Variants in IDS observed in about 807,000 individuals in gnomAD.
IDS encodes the protein alpha-L-iduronate sulfate sulfatase.
IDS carries 1 observed loss-of-function variant against 33.5 expected under a neutral mutation model. That is an observed-to-expected ratio of 0.03 (90% CI 0.01 to 0.14). The LOEUF is 0.14. Ranked by LOEUF, IDS falls within the 10% of genes least tolerant of loss-of-function variation. The pLI is 1.00. For missense variants in IDS, 328 were observed against 448.0 expected, an observed-to-expected ratio of 0.73 and a Z score of 2.42; for synonymous variants, 191 against 184.4, an observed-to-expected ratio of 1.04 and a Z score of -0.29.
At chrX:149,498,016 G>A in intron 5 of IDS, 91 bp downstream of exon 5, 1 of 804,526 alleles carries the variant, frequency 1.2e-6, no homozygotes, top group Admixed American at 2.3e-5. Flanking sequence ...GCGATGGCAG[G>A]ATGTAGCCAC....
At position 149,501,053 on chromosome X, in the gene IDS, A is replaced by T. The variant is rs781786692; in HGVS notation, c.419-16T>A. On this transcript the variant is annotated splice_polypyrimidine_tract_variant and intron_variant, in intron 3 of 8. Transcript: ENST00000340855. Reference sequence around the variant, plus strand: ...GAAGATATCCCTTGGAAAAAAAAAAAGGTTGTTAAAACATGATGAGTCTTT... The same window carrying T: ...GAAGATATCCCTTGGAAAAAAAAAATGGTTGTTAAAACATGATGAGTCTTT... 3.8e-6 allele frequency: 4 copies of T among 1,039,403 alleles called. No individual in the cohort carries two copies. Among genetic ancestry groups the T allele is most frequent in the Non-Finnish European group, 5.4e-6 (4 of 738,557 alleles). 85.7% of individuals were successfully genotyped at this position (1,039,403 alleles called of 1,213,427 possible).
chrX:149,484,676 G>A (rs981019092), intron 8 of IDS, among the ~76,000 whole-genome samples: 18 of 112,070 alleles, frequency 1.6e-4, no homozygotes, highest in Non-Finnish European at 3.4e-4. Context: ...GTATGAAGTA[G>A]TATTTCATTG....
intron 6 of IDS, 126 bp downstream of exon 6, chrX:149,496,220 T>C (rs1557339264): frequency 4.5e-6 from 3 of 673,729 alleles, no homozygotes; most frequent in African/African-American, 4.3e-5. Context: ...CTTTGCCTGA[T>C]AACTCACACA....
At position 149,483,030 on chromosome X, in the gene IDS, G is replaced by A. The variant is rs782793881; in HGVS notation, c.1369C>T (p.Pro457Ser). The stretch of plus-strand genomic sequence containing the variant: ...TGGCTATAGGCAATCAGTTCACGGG[G>A]ATTACCAGGGAGGTACGGATCCTCT... ...LEEDPYLPGN[P>S]RELIAYSQYP... The change falls in exon 9 of 9, where the codon CCC (proline) becomes TCC (serine). Residue 457 changes from proline to serine, a missense_variant. Coordinates refer to ENST00000340855, the MANE Select transcript of IDS (RefSeq NM_000202.8). 2 of 1,208,812 alleles carry A rather than the reference G, an allele frequency of 1.7e-6. No individual in the cohort carries two copies. Among genetic ancestry groups the A allele is most frequent in the Non-Finnish European group, 2.2e-6 (2 of 893,093 alleles).
rs1448541931 is a variant in IDS at position 149,489,421 on chromosome X, A to G, written c.1006+893T>C. Among the ~76,000 whole-genome samples the G allele has an allele frequency of 5.3e-5, 6 of 112,308 alleles. No individual in the cohort carries two copies. The Admixed American group carries it at 5.6e-4, about 11-fold the overall frequency. On this transcript the variant is annotated intron_variant, in intron 7 of 8. Transcript: ENST00000340855. ...TGCACAACTGATGGCTGGCAGATGG[A>G]TCCCTAATCCATTGTCATCTGTTAG...
intron 6 of IDS, among the ~76,000 whole-genome samples, chrX:149,495,281 G>T (rs781896929): frequency 3.6e-5 from 4 of 111,846 alleles, no homozygotes; most frequent in Non-Finnish European, 5.6e-5. Flanking sequence ...AGTGAAACAG[G>T]AATCAAATAC....
In IDS at chrX:149,479,431, C is replaced by T. The variant is rs781872764; in HGVS notation, c.*3315G>A. 8.9e-6 allele frequency: 1 copy of T among 112,410 alleles called. No individual in the cohort carries two copies. Among genetic ancestry groups the T allele is most frequent in the African/African-American group, 3.2e-5 (1 of 30,927 alleles). 9.3% of individuals were successfully genotyped at this position (112,410 alleles called of 1,213,427 possible). A position where few individuals can be genotyped will look rare whatever the true frequency, so the allele number is the denominator to read the frequency against. ...ACTTTATGTTTCAGTTTACTACCCC[C>T]TAAGGCAGCAAGAGAGCAGGAAGAT... On this transcript the variant is annotated 3_prime_UTR_variant, in exon 9 of 9. Transcript: ENST00000340855.
At chrX:149,491,190 T>A (rs1557338691) in intron 6 of IDS, among the ~76,000 whole-genome samples, 1 of 111,963 alleles carries the variant, frequency 8.9e-6, no homozygotes, top group Non-Finnish European at 1.9e-5. Context: ...CAACTGCATA[T>A]CTTCATGAAC....
At chrX:149,487,203 T>C in intron 7 of IDS, 105 bp from the exon 8 acceptor site, 1 of 1,204,383 alleles carries the variant, frequency 8.3e-7, no homozygotes, top group Non-Finnish European at 1.1e-6. Context: ...CCAGAGGAAG[T>C]AGAAACTCAT....
At chrX:149,487,386 C>T (rs913502596) in intron 7 of IDS, 2 of 780,922 alleles carry the variant, frequency 2.6e-6, no homozygotes, top group East Asian at 3.2e-5. Flanking sequence ...ATATACCTAA[C>T]GTAGGACTCT....
rs1435078845 is a variant in IDS at position 149,478,959 on chromosome X, G to A, written c.*3787C>T. 7.1e-5 allele frequency: 8 copies of A among 112,781 alleles called. No homozygotes were observed. Among genetic ancestry groups the A allele is most frequent in the East Asian group, 2.8e-4 (1 of 3,621 alleles). 9.3% of individuals were successfully genotyped at this position (112,781 alleles called of 1,213,427 possible). On this transcript the variant is annotated 3_prime_UTR_variant, in exon 9 of 9. Transcript: ENST00000340855. ...GTGGAAATACAGATGCCCAACTATC[G>A]TACAAAGAGAACCATGATCAAGGTC...
intron 7 of IDS, chrX:149,487,390 G>A: frequency 1.3e-6 from 1 of 755,539 alleles, no homozygotes; most frequent in African/African-American, 2.1e-5. Flanking sequence ...ACCTAACGTA[G>A]GACTCTGTGG....
rs1557339297 is a variant in IDS, at chrX:149,496,418, G to A, written c.807C>T (p.Asp269=). 2 of 1,210,164 alleles carry A rather than the reference G, an allele frequency of 1.7e-6. No homozygotes were observed. Residue 269 remains aspartate (D), a synonymous_variant, in exon 6 of 9, where the codon GAC becomes GAT. Transcript: ENST00000340855. ...CTTGGACGTCTTCCCGTTGCCTGAT[G>A]TCCATCCAGGGGTTGTAGGCCACAG... ...LPPVAYNPWM[D]IRQREDVQAL... is the part of the protein sequence containing the mutation.
At chrX:149,504,339 TG>T in intron 1 of IDS, 46 bp from the exon 2 acceptor site, 1 of 1,162,268 alleles carries the variant, frequency 8.6e-7, no homozygotes, top group Non-Finnish European at 1.2e-6. Flanking sequence ...GCACTGACAC[TG>T]AACCCTCCCT....
intron 6 of IDS, among the ~76,000 whole-genome samples, chrX:149,493,677 C>T (rs1040205638): frequency 6.3e-5 from 7 of 110,664 alleles, no homozygotes; most frequent in African/African-American, 2.3e-4. Flanking sequence ...GAAGAGGCCT[C>T]GAGCCCAGAA....
At chrX:149,490,191 T>C in intron 7 of IDS, 123 bp downstream of exon 7, 3 of 778,180 alleles carry the variant, frequency 3.9e-6, no homozygotes, top group Non-Finnish European at 5.9e-6. Flanking sequence ...TCCCACTTTG[T>C]TTGTGAACCA....
intron 4 of IDS, 47 bp from the exon 5 acceptor site, chrX:149,498,354 T>C (rs782504470): frequency 9.9e-7 from 1 of 1,006,605 alleles, no homozygotes; most frequent in East Asian, 3.1e-5. Flanking sequence ...GTGCAAGAAA[T>C]GAAGCCATGA....
intron 8 of IDS, among the ~76,000 whole-genome samples, chrX:149,485,563 T>C (rs998395710): frequency 1.8e-5 from 2 of 112,016 alleles, no homozygotes; most frequent in Non-Finnish European, 3.8e-5. Flanking sequence ...AGATGAAAGA[T>C]GTGAAGTCCA....
In IDS at chrX:149,481,797, T is replaced by C. The variant is rs782205097; in HGVS notation, c.*949A>G. On this transcript the variant is annotated 3_prime_UTR_variant, in exon 9 of 9. Coordinates refer to ENST00000340855, the MANE Select transcript of IDS (RefSeq NM_000202.8). ...TCAAAATAATTTAGAATTTAATGTT[T>C]TCTTTAATAAGCAATTAAAATGGAA... 25 of 112,400 alleles carry C rather than the reference T, an allele frequency of 2.2e-4. No homozygotes were observed. The East Asian group carries it at 3.9e-3, about 17-fold the overall frequency. 9.3% of individuals were successfully genotyped at this position (112,400 alleles called of 1,213,427 possible).
Sources: allele counts gnomAD v4.1 joint callset (sites outside exome capture counted in the v4.1 genomes callset), GRCh38; gene constraint gnomAD v4.1.1; transcripts MANE v1.5; gene names NCBI Gene and HGNC (gene_info 2026-07-23, HGNC 2026-07-21).